PRPF6: variants seen among roughly 807,000 people sequenced by gnomAD.
PRPF6 encodes the protein pre-mRNA-processing factor 6.
Under a neutral mutation model 118.3 loss-of-function variants are expected in PRPF6, and 42 were observed. The observed-to-expected ratio is 0.35, with a 90% CI of 0.28 to 0.46. PRPF6 has a LOEUF of 0.46. Among genes scored for constraint, PRPF6 ranks in the 20% least tolerant of loss-of-function variants. The pLI is 1.00. For synonymous variants in PRPF6, 481 were observed against 485.1 expected (o/e 0.99, Z 0.11); for missense variants, 662 against 1,255.7 (o/e 0.53, Z 7.15).
At chr20:63,982,963 G>A (rs2059077808) in intron 1 of PRPF6, 84 bp from the exon 2 acceptor site, 1 of 1,488,608 alleles carries the variant, frequency 6.7e-7, no homozygotes, top group Admixed American at 1.9e-5. Context: ...AGAAAAAGAG[G>A]TGTTAGTAAG....
chr20:64,016,656 A>G, intron 11 of PRPF6, 67 bp from the exon 12 acceptor site: 1 of 1,597,440 alleles, frequency 6.3e-7, no homozygotes. Context: ...GGAACTCCGT[A>G]CTCCCCGTTG....
intron 14 of PRPF6, among the ~76,000 whole-genome samples, chr20:64,024,900 G>A (rs1180320343): frequency 1.3e-5 from 2 of 152,054 alleles, no homozygotes; most frequent in South Asian, 2.1e-4. Flanking sequence ...CTTACCTCTC[G>A]GTCCCCCCAC....
rs541479611 is a variant in PRPF6, at chr20:63,994,350, T to A, written c.439-566T>A. ...TTTTGTATTTTTAGTAGAGATGGGG[T>A]TTCTCCATGTTGGTCAGGCTGGTCT... On this transcript the variant is annotated intron_variant, in intron 4 of 20. Coordinates refer to ENST00000266079, the MANE Select transcript of PRPF6 (RefSeq NM_012469.4). 4.4e-3 allele frequency among the ~76,000 whole-genome samples: 666 copies of A among 152,040 alleles called. 4 individuals carry two copies. Among genetic ancestry groups the A allele is most frequent in the African/African-American group, 0.015 (621 of 41,458 alleles).
At chr20:63,990,537 T>C (rs920785775) in intron 3 of PRPF6, among the ~76,000 whole-genome samples, 2 of 152,050 alleles carry the variant, frequency 1.3e-5, no homozygotes, top group African/African-American at 4.8e-5. Flanking sequence ...GTGGCTTGAT[T>C]ATAGCTCCCT....
intron 12 of PRPF6, among the ~76,000 whole-genome samples, chr20:64,022,028 G>A (rs2123083989): frequency 6.6e-6 from 1 of 150,832 alleles, no homozygotes; most frequent in African/African-American, 2.4e-5. Context: ...ATGCACGTAT[G>A]CATATGCCTC....
rs148801607 is a variant in PRPF6, at chr20:63,996,910, C to T, written c.771+1428C>T. Among the ~76,000 whole-genome samples, 52 of 152,244 alleles carry T rather than the reference C, an allele frequency of 3.4e-4. 1 individual carries two copies. In the East Asian group the frequency reaches 8.1e-3, roughly 24 times the overall value. ...CGCCTCTGCACACCAGCCTGGGTTA[C>T]GGAGTGAGACTGTCTCAATAAATAA... On this transcript the variant is annotated intron_variant, in intron 6 of 20. Coordinates refer to ENST00000266079, the MANE Select transcript of PRPF6 (RefSeq NM_012469.4).
chr20:64,003,858 A>C (rs2059178621), intron 9 of PRPF6, among the ~76,000 whole-genome samples: 1 of 152,106 alleles, frequency 6.6e-6, no homozygotes, highest in African/African-American at 2.4e-5. Flanking sequence ...TCGGCCTCTC[A>C]AAGTGCTGGG....
Position 63,995,075 on chromosome 20 carries a change from G to T in PRPF6, c.598G>T (p.Val200Leu), listed in dbSNP as rs775954671. 1.2e-6 allele frequency: 2 copies of T among 1,614,076 alleles called. No homozygotes were observed. Among genetic ancestry groups the T allele is most frequent in the Non-Finnish European group, 1.7e-6 (2 of 1,180,054 alleles). Residue 200 changes from valine (V) to leucine (L), a missense_variant, in exon 5 of 21, where the codon GTG becomes TTG. Val to Leu is a conservative substitution (Grantham distance 32). This residue lies in a region of PRPF6 where 97 missense variants were observed against 122.6 expected (regional missense o/e 0.79). Coordinates refer to ENST00000266079, the MANE Select transcript of PRPF6 (RefSeq NM_012469.4). Reference sequence around the variant, plus strand: ...ACAGACCGGAGAGAACCATACCTCAGTGGATCCCCGACAAACTGTGAGCTT... The same window carrying T: ...ACAGACCGGAGAGAACCATACCTCATTGGATCCCCGACAAACTGTGAGCTT... ...HLQTGENHTS[V>L]DPRQTQFGGL...
At chr20:63,998,701 G>A (rs1158824012) in intron 6 of PRPF6, among the ~76,000 whole-genome samples, 1 of 151,194 alleles carries the variant, frequency 6.6e-6, no homozygotes, top group Non-Finnish European at 1.5e-5. Flanking sequence ...AATTAGCCAG[G>A]TGTGGTGGCG....
At chr20:64,002,100 G>A (rs2059169831) in intron 9 of PRPF6, among the ~76,000 whole-genome samples, 1 of 120,266 alleles carries the variant, frequency 8.3e-6, no homozygotes, top group South Asian at 3.0e-4. Context: ...CTCACTGCAA[G>A]CTCCGCCTCC....
chr20:64,030,538 G>A (rs1037303358), intron 19 of PRPF6, among the ~76,000 whole-genome samples: 6 of 152,130 alleles, frequency 3.9e-5, no homozygotes, highest in Admixed American at 2.6e-4. Flanking sequence ...GCAGGCCCCC[G>A]ACAGATGAGA....
intron 8 of PRPF6, among the ~76,000 whole-genome samples, chr20:64,000,663 G>A (rs1398758601): frequency 6.6e-6 from 1 of 151,600 alleles, no homozygotes; most frequent in African/African-American, 2.4e-5. Flanking sequence ...CTGCCTCCCG[G>A]GTTCAAGCAA....
Position 64,028,523 on chromosome 20 carries a change from C to T in PRPF6, c.2385C>T (p.Ile795=), listed in dbSNP as rs575957803. 3.7e-6 allele frequency: 6 copies of T among 1,613,840 alleles called. No individual in the cohort carries two copies. The highest frequency in any genetic ancestry group is 1.3e-5 in the African/African-American group (1 of 75,044). The change falls in exon 18 of 21, where the codon ATC becomes ATT. Residue 795 remains isoleucine, a synonymous_variant. Coordinates refer to ENST00000266079, the MANE Select transcript of PRPF6 (RefSeq NM_012469.4). The surrounding 1 kb of genome is among the most constrained non-coding windows in gnomAD (Gnocchi z 6.5). ...AGTACCGTGCGGGGCTGAAGAACATCGCAAATACACTCATGGCCAAGGCGC... is the reference window on the plus strand; with the variant it reads ...AGTACCGTGCGGGGCTGAAGAACATTGCAAATACACTCATGGCCAAGGCGC... ...RLEYRAGLKN[I]ANTLMAKALQ... is the part of the protein sequence containing the mutation.
In PRPF6 at chr20:64,029,399, C is replaced by T; in HGVS notation, c.2454C>T (p.Ile818=). The change falls in exon 19 of 21, where the codon ATC becomes ATT. Residue 818 remains isoleucine (I), a synonymous_variant. Coordinates refer to ENST00000266079, the MANE Select transcript of PRPF6 (RefSeq NM_012469.4). The surrounding 1 kb of genome is among the most constrained non-coding windows in gnomAD (Gnocchi z 4.8). ...PNSGILWSEA[I]FLEARPQRRT... ...TAGGTATCCTGTGGTCTGAGGCCATCTTCCTCGAGGCAAGGCCCCAGAGGA... is the reference window on the plus strand; with the variant it reads ...TAGGTATCCTGTGGTCTGAGGCCATTTTCCTCGAGGCAAGGCCCCAGAGGA... 3.7e-6 allele frequency: 6 copies of T among 1,614,200 alleles called. No homozygotes were observed. The highest frequency in any genetic ancestry group is 5.1e-6 in the Non-Finnish European group (6 of 1,180,030).
Position 64,029,671 on chromosome 20 carries a change from C to A in PRPF6, c.2546+180C>A, listed in dbSNP as rs1291775558. ...GCAGGCGCCTCTCCTGGCAGACACA[C>A]CTGAGGGTGCCGTGGTCAGAGACTC... On this transcript the variant is annotated intron_variant, in intron 19 of 20. Transcript: ENST00000266079. The surrounding 1 kb of genome is among the most constrained non-coding windows in gnomAD (Gnocchi z 4.8). 1.3e-5 allele frequency among the ~76,000 whole-genome samples: 2 copies of A among 152,384 alleles called. No homozygotes were observed. Among genetic ancestry groups the A allele is most frequent in the African/African-American group, 4.8e-5 (2 of 41,598 alleles).
chr20:64,032,929 A>G lies in PRPF6; in HGVS notation c.2762A>G (p.Asn921Ser). ...LWCAVSKDIANWQKKIGDILR... is the reference protein window; with the variant it reads ...LWCAVSKDIASWQKKIGDILR... ...TGCGCCGTGTCCAAGGACATCGCCA[A>G]CTGGCAGAAGAAGATCGGGGACATC... The change falls in exon 21 of 21, where the codon AAC becomes AGC. Residue 921 changes from asparagine to serine, a missense_variant. By Grantham distance (46) the Asn-to-Ser change is conservative (BLOSUM62 1). Coordinates refer to ENST00000266079, the MANE Select transcript of PRPF6 (RefSeq NM_012469.4). 10 of 1,613,508 alleles carry G rather than the reference A, an allele frequency of 6.2e-6. No individual in the cohort carries two copies. The highest frequency in any genetic ancestry group is 8.5e-6 in the Non-Finnish European group (10 of 1,180,038).
intron 7 of PRPF6, 68 bp downstream of exon 7, chr20:63,999,207 T>C (rs966470040): frequency 4.8e-6 from 6 of 1,250,038 alleles, no homozygotes; most frequent in Middle Eastern, 1.9e-4. Flanking sequence ...TTGGATTTTA[T>C]ATGGACAGTA....
At position 64,011,431 on chromosome 20, in the gene PRPF6, G is replaced by C; in HGVS notation, c.1452G>C (p.Glu484Asp). Residue 484 changes from glutamate (E) to aspartate (D), a missense_variant, in exon 11 of 21, where the codon GAG becomes GAC. Glu to Asp is a conservative substitution (Grantham distance 45). Coordinates refer to ENST00000266079, the MANE Select transcript of PRPF6 (RefSeq NM_012469.4). The surrounding 1 kb of genome is among the most constrained non-coding windows in gnomAD (Gnocchi z 6.7). ...CCAATGGGAACACGCAGATGGTGGAGAAGATCATCGACCGAGCCATCACCT... is the reference window on the plus strand; with the variant it reads ...CCAATGGGAACACGCAGATGGTGGACAAGATCATCGACCGAGCCATCACCT... ...EEANGNTQMV[E>D]KIIDRAITSL... is the part of the protein sequence containing the mutation. 1 of 1,614,226 alleles carries C rather than the reference G, an allele frequency of 6.2e-7. No homozygotes were observed. The highest frequency in any genetic ancestry group is 8.5e-7 in the Non-Finnish European group (1 of 1,180,054).
Position 63,985,619 on chromosome 20 carries a change from C to T in PRPF6, c.359+594C>T, listed in dbSNP as rs181603761. ...TTACCATCTTTGAAATGAAAAGGGC[C>T]TACTGACTTGATTATTATATGTTGA... On this transcript the variant is annotated intron_variant, in intron 3 of 20. Coordinates refer to ENST00000266079, the MANE Select transcript of PRPF6 (RefSeq NM_012469.4). 1.3e-4 allele frequency among the ~76,000 whole-genome samples: 20 copies of T among 152,230 alleles called. 2 individuals are homozygous for T. The highest frequency in any genetic ancestry group is 5.2e-4 in the Admixed American group (8 of 15,280).
Sources: allele counts gnomAD v4.1 joint callset (sites outside exome capture counted in the v4.1 genomes callset), GRCh38; gene constraint gnomAD v4.1.1; regional missense constraint gnomAD v4.1.1; non-coding constraint Gnocchi (gnomAD v3.1); transcripts MANE v1.5; gene names NCBI Gene and HGNC (gene_info 2026-07-23, HGNC 2026-07-21).